The following RGMA variants were observed in gnomAD, a reference collection of about 807,000 sequenced individuals.
RGMA encodes repulsive guidance molecule BMP co-receptor a.
RGMA carries 10 observed loss-of-function variants against 23.2 expected under a neutral mutation model. The observed-to-expected ratio is 0.43, with a 90% CI of 0.27 to 0.73. The LOEUF is 0.73. RGMA is among the 30% of genes least tolerant of loss of function. The pLI is 0.20. For synonymous variants in RGMA, 308 were observed against 279.3 expected, an observed-to-expected ratio of 1.10 and a Z score of -1.03; for missense variants, 547 against 630.5, an observed-to-expected ratio of 0.87 and a Z score of 1.42.
chr15:93,073,093 CGCTCCG>C, intron 1 of RGMA, 62 bp from the exon 2 acceptor site: 1 of 1,434,302 alleles, frequency 7.0e-7, no homozygotes, highest in Non-Finnish European at 9.2e-7. Context: ...AGGGCAGCCT[CGCTCCG>C]CCGGCGGGAG....
intron 3 of RGMA, among the ~76,000 whole-genome samples, chr15:93,047,717 C>T (rs988558115): frequency 3.3e-5 from 5 of 152,176 alleles, no homozygotes; most frequent in Admixed American, 6.5e-5. Context: ...CATGCACAGC[C>T]GTTCTCTGCC....
In RGMA at chr15:93,052,281, G is replaced by T; in HGVS notation, c.357C>A (p.Gly119=). The T allele has an allele frequency of 6.2e-7, 1 of 1,602,562 alleles. No homozygotes were observed. The highest frequency in any genetic ancestry group is 8.5e-7 in the Non-Finnish European group (1 of 1,174,808). Residue 119 remains glycine, a synonymous_variant, in exon 3 of 4, where the codon GGC becomes GGA. Coordinates refer to ENST00000329082, the MANE Select transcript of RGMA (RefSeq NM_020211.3). ...TGCGCAGGCGTGGCTGCGAGGTGGG[G>T]CCATCCTTGGAGCAGTTGTGCTGGC... ...LMSQHNCSKD[G]PTSQPRLRTL... is the part of the protein sequence containing the mutation.
At chr15:93,074,062 G>C (rs1404865551) in intron 1 of RGMA, 1 of 1,303,898 alleles carries the variant, frequency 7.7e-7, no homozygotes. Context: ...GGGCCCTGCA[G>C]TTCTGCTGCC....
At chr15:93,048,308 A>T (rs573987411) in intron 3 of RGMA, among the ~76,000 whole-genome samples, 1 of 152,130 alleles carries the variant, frequency 6.6e-6, no homozygotes, top group Non-Finnish European at 1.5e-5. Flanking sequence ...GAAGAAGGAA[A>T]ATGTGTTAGT....
chr15:93,086,652 C>A (rs1250882428), intron 1 of RGMA, among the ~76,000 whole-genome samples: 2 of 152,150 alleles, frequency 1.3e-5, no homozygotes, highest in African/African-American at 2.4e-5. Flanking sequence ...CAGCAAGCAT[C>A]CCTGGAAGAA....
chr15:93,049,833 G>A (rs1346523363), intron 3 of RGMA, among the ~76,000 whole-genome samples: 1 of 152,242 alleles, frequency 6.6e-6, no homozygotes. Flanking sequence ...GCCTGAGAGG[G>A]GAAAGGGGAG....
At chr15:93,073,159 T>C (rs1343812148) in intron 1 of RGMA, 128 bp from the exon 2 acceptor site, 1 of 1,198,050 alleles carries the variant, frequency 8.3e-7, no homozygotes, top group Non-Finnish European at 1.0e-6. Flanking sequence ...CCCGGCGCGC[T>C]CCCCTTCCCG....
intron 3 of RGMA, among the ~76,000 whole-genome samples, chr15:93,051,307 G>C (rs1232764165): frequency 6.6e-6 from 1 of 152,194 alleles, no homozygotes; most frequent in Non-Finnish European, 1.5e-5. Context: ...GCTCTTCCTA[G>C]GAAAACAGAC....
intron 1 of RGMA, chr15:93,073,256 C>G: frequency 9.9e-7 from 1 of 1,007,092 alleles, no homozygotes; most frequent in East Asian, 4.4e-5. Flanking sequence ...GCCGCCTGCG[C>G]ACCGCCCCCT....
chr15:93,068,954 A>T (rs1400275797), intron 2 of RGMA, among the ~76,000 whole-genome samples: 3 of 152,216 alleles, frequency 2.0e-5, no homozygotes, highest in Non-Finnish European at 4.4e-5. Context: ...TTCAGCCTTC[A>T]GAACTGTGAG....
At position 93,083,825 on chromosome 15, in the gene RGMA, C is replaced by T. The variant is rs187349039; in HGVS notation, c.14+5094G>A. Among the ~76,000 whole-genome samples, 61 of 152,296 alleles carry T rather than the reference C, an allele frequency of 4.0e-4. No homozygotes were observed. In the East Asian group the frequency reaches 6.5e-3, roughly 16 times the overall value. ...GGGAATGCCATCATGAACTTCGTAA[C>T]GTCTACAGGTGAGCCCAGCCTCTAA... On this transcript the variant is annotated intron_variant, in intron 1 of 3. Coordinates refer to ENST00000329082, the MANE Select transcript of RGMA (RefSeq NM_020211.3).
rs865779547 is a variant in RGMA, at chr15:93,039,650, G to A, written c.*5348C>T. The A allele has an allele frequency of 3.9e-5, 6 of 152,080 alleles. No individual in the cohort carries two copies. Among genetic ancestry groups the A allele is most frequent in the South Asian group, 2.1e-4 (1 of 4,812 alleles). The allele number at this position is 152,080 out of a possible 1,614,324, so 9.4% of individuals were successfully genotyped here. The stretch of plus-strand genomic sequence containing the variant: ...TACGAGTGAGAACATGCGGTGTTTG[G>A]TTTTCTGTTCTTGTGTTAGTTTGCT... On this transcript the variant is annotated 3_prime_UTR_variant, in exon 4 of 4. Coordinates refer to ENST00000329082, the MANE Select transcript of RGMA (RefSeq NM_020211.3).
intron 2 of RGMA, among the ~76,000 whole-genome samples, chr15:93,068,868 C>T (rs1364702736): frequency 6.6e-6 from 1 of 152,164 alleles, no homozygotes; most frequent in Non-Finnish European, 1.5e-5. Flanking sequence ...TCACTTCTGC[C>T]CTGTGAGGAC....
chr15:93,046,390 G>A (rs750335452), intron 3 of RGMA, among the ~76,000 whole-genome samples: 9 of 152,168 alleles, frequency 5.9e-5, no homozygotes, highest in Non-Finnish European at 8.8e-5. Flanking sequence ...CAGCCCTGCT[G>A]ATACCTTGAT....
At chr15:93,086,653 C>CTTG (rs1895639006) in intron 1 of RGMA, among the ~76,000 whole-genome samples, 1 of 152,108 alleles carries the variant, frequency 6.6e-6, no homozygotes, top group South Asian at 2.1e-4. Context: ...AGCAAGCATC[C>CTTG]CTGGAAGAAT....
Position 93,073,671 on chromosome 15 carries a change from G to C in RGMA, c.15-640C>G, listed in dbSNP as rs1482134714. Reference sequence around the variant, plus strand: ...AGGCTGAAAAACCCACTTCCGAGTTGTCTAGGTCTGGGCAGGATGGCTCTC... The same window carrying C: ...AGGCTGAAAAACCCACTTCCGAGTTCTCTAGGTCTGGGCAGGATGGCTCTC... On this transcript the variant is annotated intron_variant, in intron 1 of 3. Transcript: ENST00000329082. The C allele has an allele frequency of 2.1e-5, 33 of 1,537,240 alleles. 1 individual carries two copies. The highest frequency in any genetic ancestry group is 2.8e-5 in the Non-Finnish European group (32 of 1,146,884).
At chr15:93,052,907 C>T (rs990284729) in intron 2 of RGMA, among the ~76,000 whole-genome samples, 4 of 152,316 alleles carry the variant, frequency 2.6e-5, no homozygotes, top group South Asian at 2.1e-4. Context: ...GGGAATTGGC[C>T]CCACTATTAA....
At position 93,045,543 on chromosome 15, in the gene RGMA, C is replaced by T. The variant is rs1216460562; in HGVS notation, c.808G>A (p.Val270Met). 1.1e-5 allele frequency: 17 copies of T among 1,613,190 alleles called. No individual in the cohort carries two copies. The highest frequency in any genetic ancestry group is 2.7e-5 in the African/African-American group (2 of 74,908). Reference protein sequence around the residue: ...KITEKVSGQHVEIQAKYIGTT... With the variant: ...KITEKVSGQHMEIQAKYIGTT... Reference sequence around the variant, plus strand: ...CCGATGTACTTGGCCTGGATCTCCACGTGCTGGCCTGACACCTTCTCAGTG... The same window carrying T: ...CCGATGTACTTGGCCTGGATCTCCATGTGCTGGCCTGACACCTTCTCAGTG... Residue 270 changes from valine (V) to methionine (M), a missense_variant, in exon 4 of 4, where the codon GTG becomes ATG. Physicochemically the swap from Val to Met is conservative, Grantham distance 21 (BLOSUM62 1). Coordinates refer to ENST00000329082, the MANE Select transcript of RGMA (RefSeq NM_020211.3). This position sits in a 1 kb window ranked among gnomAD's most constrained non-coding sequence, Gnocchi z 6.9.
intron 1 of RGMA, among the ~76,000 whole-genome samples, chr15:93,083,828 C>T (rs918273083): frequency 1.3e-5 from 2 of 152,224 alleles, no homozygotes; most frequent in Admixed American, 1.3e-4. Context: ...TTCGTAACGT[C>T]TACAGGTGAG....
Sources: gnomAD v4.1 joint callset for allele counts (sites outside exome capture counted in the v4.1 genomes callset) on GRCh38, gnomAD v4.1.1 for gene constraint, Gnocchi (gnomAD v3.1) non-coding constraint, MANE v1.5 for transcripts, NCBI Gene and HGNC (gene_info 2026-07-23, HGNC 2026-07-21) for gene names.